The following TRAK2 variants were observed in gnomAD, a reference collection of about 807,000 sequenced individuals.
TRAK2 encodes the protein trafficking kinesin-binding protein 2.
In TRAK2, 81 loss-of-function variants were observed where a neutral mutation model predicts 104.6. That is an observed-to-expected ratio of 0.77 (90% CI 0.65 to 0.93). The LOEUF (loss-of-function observed/expected upper bound fraction) is 0.93. Among genes scored for constraint, TRAK2 ranks in the 40% least tolerant of loss-of-function variants. The pLI is 0.00. For synonymous variants in TRAK2, 406 were observed against 394.4 expected, an observed-to-expected ratio of 1.03 and a Z score of -0.35; for missense variants, 1,002 against 1,089.0, an observed-to-expected ratio of 0.92 and a Z score of 1.12.
rs35677800 is a variant in TRAK2 at position 201,390,398 on chromosome 2, CA to C, written c.1114-519del. On this transcript the variant is annotated intron_variant, in intron 10 of 15. Coordinates refer to ENST00000332624, the MANE Select transcript of TRAK2 (RefSeq NM_015049.3). ...TCTCTACTAAAAATACAAAAAAATA[CA>C]AAAAAAAAAAAAAAATTAGCCGGGT... Among the ~76,000 whole-genome samples, 1,104 of 130,386 alleles carry C rather than the reference CA, an allele frequency of 8.5e-3. 16 individuals carry two copies. Among genetic ancestry groups the C allele is most frequent in the African/African-American group, 0.026 (869 of 33,560 alleles). 85.5% of individuals were successfully genotyped at this position (130,386 alleles called of 152,430 possible). A position where few individuals can be genotyped will look rare whatever the true frequency, so the allele number is the denominator to read the frequency against.
chr2:201,410,959 G>C, intron 2 of TRAK2: 2 of 1,555,538 alleles, frequency 1.3e-6, no homozygotes, highest in Non-Finnish European at 1.8e-6. Context: ...TAGAAGTTCT[G>C]GTTTGTAGTA....
In TRAK2 at chr2:201,395,453, C is replaced by A; in HGVS notation, c.770-9G>T. 4 of 1,497,914 alleles carry A rather than the reference C, an allele frequency of 2.7e-6. No homozygotes were observed. The highest frequency in any genetic ancestry group is 2.0e-5 in the Admixed American group (1 of 49,598). The allele number at this position is 1,497,914 out of a possible 1,614,324, so 92.8% of individuals were successfully genotyped here. On this transcript the variant is annotated splice_polypyrimidine_tract_variant and intron_variant, in intron 7 of 15. Transcript: ENST00000332624. ...CTGAGCATTTGTTTCACCTTGGAAG[C>A]AAAAAAAATTTTTTTAAATTAATAC...
intron 3 of TRAK2, among the ~76,000 whole-genome samples, chr2:201,402,482 A>G (rs970860560): frequency 6.6e-6 from 1 of 152,152 alleles, no homozygotes; most frequent in South Asian, 2.1e-4. Context: ...AACTGAAAAT[A>G]TAAAAACTTT....
intron 3 of TRAK2, among the ~76,000 whole-genome samples, chr2:201,404,256 A>G (rs1951574308): frequency 6.6e-6 from 1 of 152,222 alleles, no homozygotes; most frequent in South Asian, 2.1e-4. Context: ...AATCCTATCA[A>G]AACCTATTTT....
At chr2:201,387,667 C>T (rs1254512976) in intron 13 of TRAK2, 36 bp downstream of exon 13, 1 of 1,517,982 alleles carries the variant, frequency 6.6e-7, no homozygotes, top group Non-Finnish European at 8.8e-7. Flanking sequence ...TCCAGTAAGT[C>T]ACATGGCTTA....
At chr2:201,394,259 T>C (rs527735401) in intron 9 of TRAK2, among the ~76,000 whole-genome samples, 1 of 152,270 alleles carries the variant, frequency 6.6e-6, no homozygotes, top group South Asian at 2.1e-4. Flanking sequence ...TCTTATAAAG[T>C]TGAGGTTTTC....
chr2:201,422,219 G>A (rs1486451794), intron 1 of TRAK2, among the ~76,000 whole-genome samples: 1 of 152,012 alleles, frequency 6.6e-6, no homozygotes, highest in Non-Finnish European at 1.5e-5. Flanking sequence ...GGATAAGGAT[G>A]CCCATACGGT....
intron 1 of TRAK2, among the ~76,000 whole-genome samples, chr2:201,429,750 G>C (rs1033533766): frequency 1.3e-5 from 2 of 152,112 alleles, no homozygotes; most frequent in African/African-American, 4.8e-5. Flanking sequence ...GTTTATTCTA[G>C]TTAGCCATTT....
chr2:201,380,475 C>T lies in TRAK2; in HGVS notation c.*68G>A. 2.0e-6 allele frequency: 3 copies of T among 1,468,048 alleles called. No individual in the cohort carries two copies. Among genetic ancestry groups the T allele is most frequent in the Non-Finnish European group, 2.8e-6 (3 of 1,070,396 alleles). 90.9% of individuals were successfully genotyped at this position (1,468,048 alleles called of 1,614,324 possible). On this transcript the variant is annotated 3_prime_UTR_variant, in exon 16 of 16. Coordinates refer to ENST00000332624, the MANE Select transcript of TRAK2 (RefSeq NM_015049.3). ...CCTTTTCTCTCAAGTCAGACCAGAC[C>T]ACATGTTTCAGTGCATATCTATCCT...
intron 3 of TRAK2, among the ~76,000 whole-genome samples, chr2:201,404,674 C>G (rs1559444338): frequency 6.6e-6 from 1 of 152,184 alleles, no homozygotes; most frequent in Non-Finnish European, 1.5e-5. Flanking sequence ...TCTCATATGT[C>G]CCTTCTCAAG....
intron 2 of TRAK2, among the ~76,000 whole-genome samples, chr2:201,409,440 G>A (rs954265897): frequency 6.6e-6 from 1 of 152,166 alleles, no homozygotes; most frequent in Admixed American, 6.5e-5. Flanking sequence ...AATGAAATAT[G>A]AAGTTAGTAG....
chr2:201,412,443 A>G, intron 2 of TRAK2: 1 of 1,238,238 alleles, frequency 8.1e-7, no homozygotes, highest in Non-Finnish European at 1.2e-6. Flanking sequence ...TAAGTGAACT[A>G]GATCCTAAAT....
At chr2:201,412,424 G>T (rs1023413816) in intron 2 of TRAK2, 2 of 1,281,058 alleles carry the variant, frequency 1.6e-6, no homozygotes, top group African/African-American at 2.9e-5. Flanking sequence ...ACTTCCTCAG[G>T]TATATTTATA....
intron 1 of TRAK2, among the ~76,000 whole-genome samples, chr2:201,430,734 T>A (rs1007347797): frequency 1.3e-5 from 2 of 152,190 alleles, no homozygotes; most frequent in African/African-American, 4.8e-5. Context: ...TGTCATGGCT[T>A]CCCTTGGCTA....
At position 201,425,745 on chromosome 2, in the gene TRAK2, T is replaced by A. The variant is rs753261479; in HGVS notation, c.-199-5039A>T. Among the ~76,000 whole-genome samples the A allele has an allele frequency of 7.6e-4, 115 of 151,754 alleles. 1 individual carries two copies. The highest frequency in any genetic ancestry group is 1.4e-3 in the Admixed American group (21 of 15,234). On this transcript the variant is annotated intron_variant, in intron 1 of 15. Coordinates refer to ENST00000332624, the MANE Select transcript of TRAK2 (RefSeq NM_015049.3). ...TTTTTTAAATAATGTTATATACTTGTTTGTGAAGAGAGAAAAAGAGAGAGA... is the reference window on the plus strand; with the variant it reads ...TTTTTTAAATAATGTTATATACTTGATTGTGAAGAGAGAAAAAGAGAGAGA...
In TRAK2 at chr2:201,386,261, C is replaced by A; in HGVS notation, c.1920G>T (p.Gly640=). The change falls in exon 14 of 16, where the codon GGG becomes GGT. Residue 640 remains glycine, a synonymous_variant. Transcript: ENST00000332624. ...CTGAAGTAATGGGTGGCAGGAAGATCCCTGTTACTGGCTTGGATGTTGAAA... is the reference window on the plus strand; with the variant it reads ...CTGAAGTAATGGGTGGCAGGAAGATACCTGTTACTGGCTTGGATGTTGAAA... ...EKLSTSKPVT[G]IFLPPITSAG... is the part of the protein sequence containing the mutation. The A allele has an allele frequency of 6.2e-7, 1 of 1,614,160 alleles. No individual in the cohort carries two copies. Among genetic ancestry groups the A allele is most frequent in the Non-Finnish European group, 8.5e-7 (1 of 1,180,002 alleles).
chr2:201,425,755 G>C (rs1018908819), intron 1 of TRAK2, among the ~76,000 whole-genome samples: 4 of 151,740 alleles, frequency 2.6e-5, no homozygotes, highest in African/African-American at 9.7e-5. Flanking sequence ...TTTGTGAAGA[G>C]AGAAAAAGAG....
intron 14 of TRAK2, among the ~76,000 whole-genome samples, chr2:201,385,314 T>C (rs1285759877): frequency 6.6e-6 from 1 of 152,136 alleles, no homozygotes; most frequent in Non-Finnish European, 1.5e-5. Flanking sequence ...ATTCAAAATG[T>C]AGGATACGAC....
intron 1 of TRAK2, among the ~76,000 whole-genome samples, chr2:201,424,798 G>A (rs541338317): frequency 1.3e-5 from 2 of 151,870 alleles, no homozygotes; most frequent in South Asian, 2.1e-4. Flanking sequence ...TAGTAGAGAC[G>A]GGGTTTCACT....
Sources: allele counts gnomAD v4.1 joint callset (sites outside exome capture counted in the v4.1 genomes callset), GRCh38; gene constraint gnomAD v4.1.1; transcripts MANE v1.5; gene names NCBI Gene and HGNC (gene_info 2026-07-23, HGNC 2026-07-21).